The following BEGAIN variants were observed in gnomAD, a reference collection of about 807,000 sequenced individuals.
BEGAIN encodes brain-enriched guanylate kinase-associated protein.
In BEGAIN, 19 loss-of-function variants were observed where a neutral mutation model predicts 35.8. That is an observed-to-expected ratio of 0.53 (90% CI 0.37 to 0.78). The LOEUF (loss-of-function observed/expected upper bound fraction) is 0.78, where lower values mean the gene tolerates loss of function less well. Ranked by LOEUF, BEGAIN falls within the 30% of genes least tolerant of loss-of-function variation. BEGAIN has a pLI of 0.00. For missense variants in BEGAIN, 795 were observed against 853.6 expected (o/e 0.93, Z 0.85); for synonymous variants, 462 against 388.6 (o/e 1.19, Z -2.22).
chr14:100,555,275 G>A (rs1047318354), intron 2 of BEGAIN, among the ~76,000 whole-genome samples: 6 of 152,228 alleles, frequency 3.9e-5, no homozygotes, highest in Non-Finnish European at 7.3e-5. Context: ...GTGGAAACCC[G>A]GGCTGGGTGG....
At chr14:100,564,258 C>T (rs1186226334) in intron 2 of BEGAIN, among the ~76,000 whole-genome samples, 4 of 152,004 alleles carry the variant, frequency 2.6e-5, no homozygotes, top group African/African-American at 9.7e-5. Flanking sequence ...TTATTAATGT[C>T]TCTGCAGGCC....
Position 100,563,728 on chromosome 14 carries a change from C to T in BEGAIN, c.71+4183G>A, listed in dbSNP as rs2034465792. Among the ~76,000 whole-genome samples the T allele has an allele frequency of 6.6e-6, 1 of 152,226 alleles. No individual in the cohort carries two copies. The highest frequency in any genetic ancestry group is 6.5e-5 in the Admixed American group (1 of 15,292). On this transcript the variant is annotated intron_variant, in intron 2 of 6. Transcript: ENST00000554140. This position sits in a 1 kb window ranked among gnomAD's most constrained non-coding sequence, Gnocchi z 4.2. ...CACTGAGGGTGCACACCCAGAATCG[C>T]AGCCCACATCCCCAGACACCCGCAC...
chr14:100,539,415 C>G, intron 6 of BEGAIN, 100 bp from the exon 7 acceptor site: 2 of 1,471,106 alleles, frequency 1.4e-6, no homozygotes, highest in Non-Finnish European at 1.8e-6. Context: ...TAGCCATGAC[C>G]GACAGGCAGA....
intron 1 of BEGAIN, among the ~76,000 whole-genome samples, chr14:100,580,833 A>G (rs1429767628): frequency 6.6e-6 from 1 of 152,168 alleles, no homozygotes; most frequent in Non-Finnish European, 1.5e-5. Context: ...ATGGCATAGC[A>G]GGTTCAGGCT....
intron 2 of BEGAIN, among the ~76,000 whole-genome samples, chr14:100,556,762 C>T (rs561338993): frequency 1.3e-4 from 20 of 152,266 alleles, no homozygotes; most frequent in East Asian, 1.9e-4. Context: ...CTCCCAGCTG[C>T]GATTTCAGGA....
chr14:100,554,108 C>T (rs1292277127), intron 2 of BEGAIN, among the ~76,000 whole-genome samples: 1 of 152,246 alleles, frequency 6.6e-6, no homozygotes, highest in African/African-American at 2.4e-5. Context: ...AGGACGGTCA[C>T]ATGAGCTCCA....
At chr14:100,550,617 C>CGA (rs1481186261) in intron 2 of BEGAIN, 7 of 397,740 alleles carry the variant, frequency 1.8e-5, no homozygotes, top group African/African-American at 1.4e-4. Flanking sequence ...TGGCTGAGAC[C>CGA]GAGAGAGATG....
intron 1 of BEGAIN, among the ~76,000 whole-genome samples, chr14:100,583,648 TTTC>T (rs902544634): frequency 2.6e-5 from 4 of 151,710 alleles, no homozygotes; most frequent in South Asian, 2.1e-4. Context: ...CTTTCTTTCT[TTTC>T]TTTTTTTCTT....
intron 1 of BEGAIN, among the ~76,000 whole-genome samples, chr14:100,571,083 T>C (rs2035067773): frequency 1.3e-5 from 2 of 152,132 alleles, no homozygotes; most frequent in South Asian, 4.1e-4. Context: ...GGGACAGTCC[T>C]CATGGCACAG....
At chr14:100,575,451 G>C (rs1334361611) in intron 1 of BEGAIN, among the ~76,000 whole-genome samples, 2 of 152,202 alleles carry the variant, frequency 1.3e-5, no homozygotes, top group African/African-American at 4.8e-5. Flanking sequence ...ACACTGGGGG[G>C]AGTGTGACTT....
intron 1 of BEGAIN, chr14:100,577,690 G>C (rs938605365): frequency 2.5e-6 from 1 of 399,004 alleles, no homozygotes; most frequent in African/African-American, 2.1e-5. Flanking sequence ...CCGGCTGCCT[G>C]TGTTCAGGGA....
At position 100,568,300 on chromosome 14, in the gene BEGAIN, C is replaced by G. The variant is rs918460873; in HGVS notation, c.43-361G>C. 2.9e-5 allele frequency: 22 copies of G among 769,270 alleles called. No homozygotes were observed. The East Asian group carries it at 1.5e-3, about 54-fold the overall frequency. 47.7% of individuals were successfully genotyped at this position (769,270 alleles called of 1,614,324 possible). A position where few individuals can be genotyped will look rare whatever the true frequency, so the allele number is the denominator to read the frequency against. On this transcript the variant is annotated intron_variant, in intron 1 of 6. Transcript: ENST00000554140. This position sits in a 1 kb window ranked among gnomAD's most constrained non-coding sequence, Gnocchi z 7.5. ...CGTTAACTCTCCGGCGGCCGCGGCCCCGCTGCTCCCCCCGCCCCGCCCGTT... is the reference window on the plus strand; with the variant it reads ...CGTTAACTCTCCGGCGGCCGCGGCCGCGCTGCTCCCCCCGCCCCGCCCGTT...
rs1033082137 is a variant in BEGAIN at position 100,586,656 on chromosome 14, TCA to T, written c.42+591_42+592del. On this transcript the variant is annotated intron_variant, in intron 1 of 6. Coordinates refer to ENST00000554140, the MANE Select transcript of BEGAIN (RefSeq NM_001385089.1). The surrounding 1 kb of genome is among the most constrained non-coding windows in gnomAD (Gnocchi z 4.9). ...GGCGAGGCCCTGGCCTCCCTGAGCC[TCA>T]GTTTCCTCGCCTGTAAAGGGGCAGG... Among the ~76,000 whole-genome samples the T allele has an allele frequency of 7.9e-5, 12 of 152,298 alleles. No homozygotes were observed. In the East Asian group the frequency reaches 1.8e-3, roughly 22 times the overall value.
At chr14:100,543,808 G>C in intron 5 of BEGAIN, 50 bp downstream of exon 5, 1 of 1,463,108 alleles carries the variant, frequency 6.8e-7, no homozygotes, top group Non-Finnish European at 9.5e-7. Flanking sequence ...GGAAGCCCTC[G>C]CCTAGGCCCA....
chr14:100,552,236 G>T (rs1202137980), intron 2 of BEGAIN, among the ~76,000 whole-genome samples: 1 of 152,160 alleles, frequency 6.6e-6, no homozygotes, highest in Admixed American at 6.5e-5. Context: ...GGTGGGGCTG[G>T]CCTGCAGGTG....
intron 4 of BEGAIN, 30 bp downstream of exon 4, chr14:100,544,970 G>A (rs375154513): frequency 1.2e-4 from 187 of 1,605,012 alleles, no homozygotes; most frequent in Non-Finnish European, 1.5e-4. Flanking sequence ...GGTGTGGGGT[G>A]GGGGAGTGGG....
Position 100,539,255 on chromosome 14 carries a change from G to T in BEGAIN, c.553C>A (p.Pro185Thr). The change falls in exon 7 of 7, where the codon CCA becomes ACA. Residue 185 changes from proline (P) to threonine (T), a missense_variant. Pro to Thr is a conservative substitution (Grantham distance 38). Coordinates refer to ENST00000554140, the MANE Select transcript of BEGAIN (RefSeq NM_001385089.1). ...TAGGCCGGGTGGCAGAGCGGGGATG[G>T]CAGGCTGCAGCCGTGCTTCTCCATG... ...LHMEKHGCSL[P>T]SPLCHPAYAD... The T allele has an allele frequency of 6.3e-7, 1 of 1,587,200 alleles. No homozygotes were observed.
In BEGAIN at chr14:100,563,845, C is replaced by T. The variant is rs1027433772; in HGVS notation, c.71+4066G>A. Among the ~76,000 whole-genome samples, 2 of 152,214 alleles carry T rather than the reference C, an allele frequency of 1.3e-5. No homozygotes were observed. Among genetic ancestry groups the T allele is most frequent in the Non-Finnish European group, 2.9e-5 (2 of 68,044 alleles). ...AGGGAAGCCACCATGACAACAGCAA[C>T]TGGTAGCTCCACCTACCACCACAAG... On this transcript the variant is annotated intron_variant, in intron 2 of 6. Coordinates refer to ENST00000554140, the MANE Select transcript of BEGAIN (RefSeq NM_001385089.1). The surrounding 1 kb of genome is among the most constrained non-coding windows in gnomAD (Gnocchi z 4.2).
chr14:100,550,597 C>T (rs2033092343), intron 2 of BEGAIN: 2 of 398,242 alleles, frequency 5.0e-6, no homozygotes, highest in Non-Finnish European at 8.9e-6. Flanking sequence ...GGGGCACAGC[C>T]ACAGCCCCTT....
Sources: allele counts gnomAD v4.1 joint callset (sites outside exome capture counted in the v4.1 genomes callset), GRCh38; gene constraint gnomAD v4.1.1; non-coding constraint Gnocchi (gnomAD v3.1); transcripts MANE v1.5; gene names NCBI Gene and HGNC (gene_info 2026-07-23, HGNC 2026-07-21).